KCNN3: variants seen among roughly 807,000 people sequenced by gnomAD.
The protein encoded by KCNN3 is potassium calcium-activated channel subfamily N member 3.
A neutral mutation model predicts 62.9 loss-of-function variants in KCNN3; 16 were observed. The ratio of observed to expected loss-of-function variants is 0.25; its 90% CI spans 0.17 to 0.39. The LOEUF is 0.39. KCNN3 is among the 10% of genes least tolerant of loss of function. The pLI is 1.00. For missense variants in KCNN3, 599 were observed against 949.4 expected (o/e 0.63, Z 4.85); for synonymous variants, 370 against 389.2 (o/e 0.95, Z 0.58).
intron 3 of KCNN3, among the ~76,000 whole-genome samples, chr1:154,768,833 C>A (rs1478562999): frequency 1.3e-5 from 2 of 152,056 alleles, no homozygotes; most frequent in Non-Finnish European, 2.9e-5. Flanking sequence ...ATGGTCAAGA[C>A]CATAGGCAGC....
intron 3 of KCNN3, among the ~76,000 whole-genome samples, chr1:154,750,104 T>C (rs1327721901): frequency 6.6e-6 from 1 of 152,242 alleles, no homozygotes; most frequent in African/African-American, 2.4e-5. Flanking sequence ...CTGAAAATTC[T>C]GGTACACGTC....
chr1:154,869,773 C>T lies in KCNN3; in HGVS notation c.192G>A (p.Pro64=), dbSNP rs1455162416. The change falls in exon 1 of 8, where the codon CCG becomes CCA. Residue 64 remains proline (P), a synonymous_variant. Transcript: ENST00000271915. The surrounding 1 kb of genome is among the most constrained non-coding windows in gnomAD (Gnocchi z 6.1). ...PLGPSLQPQP[P]QLQQQQQQQQ... ...GCTGCTGCTGCTGCTGCTGAAGCTG[C>T]GGAGGCTGAGGCTGCAGCGAGGGTC... 4 of 1,517,526 alleles carry T rather than the reference C, an allele frequency of 2.6e-6. No homozygotes were observed. The highest frequency in any genetic ancestry group is 1.2e-5 in the South Asian group (1 of 81,590). 94.0% of individuals were successfully genotyped at this position (1,517,526 alleles called of 1,614,324 possible). A position where few individuals can be genotyped will look rare whatever the true frequency, so the allele number is the denominator to read the frequency against.
intron 4 of KCNN3, among the ~76,000 whole-genome samples, chr1:154,728,352 A>C (rs1246443864): frequency 2.0e-5 from 3 of 152,198 alleles, no homozygotes; most frequent in Non-Finnish European, 4.4e-5. Context: ...CCTCTAGAGG[A>C]TGCTGCATTC....
intron 1 of KCNN3, among the ~76,000 whole-genome samples, chr1:154,826,916 C>T (rs1651157519): frequency 6.6e-6 from 1 of 152,202 alleles, no homozygotes; most frequent in African/African-American, 2.4e-5. Context: ...TAATGATGCG[C>T]AGGCTCCTTC....
At chr1:154,837,605 C>A (rs1370111591) in intron 1 of KCNN3, among the ~76,000 whole-genome samples, 1 of 152,170 alleles carries the variant, frequency 6.6e-6, no homozygotes, top group Non-Finnish European at 1.5e-5. Context: ...GGCTTTCCAC[C>A]CACAGCTGTT....
At chr1:154,762,084 A>C (rs1457425654) in intron 3 of KCNN3, among the ~76,000 whole-genome samples, 1 of 152,236 alleles carries the variant, frequency 6.6e-6, no homozygotes, top group African/African-American at 2.4e-5. Context: ...CTAGATGTTT[A>C]CTTGGTTTCT....
At chr1:154,868,640 T>C (rs1166203707) in intron 1 of KCNN3, among the ~76,000 whole-genome samples, 2 of 152,004 alleles carry the variant, frequency 1.3e-5, no homozygotes, top group East Asian at 1.9e-4. Context: ...TGCGTTAAGC[T>C]GCTGGGTTAT....
At chr1:154,806,407 C>T (rs1424777072) in intron 2 of KCNN3, among the ~76,000 whole-genome samples, 1 of 152,202 alleles carries the variant, frequency 6.6e-6, no homozygotes. Flanking sequence ...TTTAACCCAG[C>T]TCTCTCAGCT....
At chr1:154,838,335 T>C (rs919611537) in intron 1 of KCNN3, among the ~76,000 whole-genome samples, 11 of 152,082 alleles carry the variant, frequency 7.2e-5, no homozygotes, top group Non-Finnish European at 5.9e-5. Flanking sequence ...TGCTATACCA[T>C]GTAGATTCCA....
Position 154,713,553 on chromosome 1 carries a change from C to T in KCNN3, c.1830-20G>A, listed in dbSNP as rs368630148. On this transcript the variant is annotated intron_variant, in intron 6 of 7. Transcript: ENST00000271915. ...CTCAACCTGTGGGGAAGAATGGTAA[C>T]AGGCAAGCCCTTCAAGTCCATGCAA... The T allele has an allele frequency of 5.0e-6, 8 of 1,605,024 alleles. No individual in the cohort carries two copies. The African/African-American group carries it at 1.1e-4, about 21-fold the overall frequency.
chr1:154,741,326 A>G lies in KCNN3; in HGVS notation c.1449-8182T>C, dbSNP rs12097313. ...TCTATTTGTCTAACCCTGAAGTTAT[A>G]TTACAGTATTCTCTGTAGCCTTTCC... On this transcript the variant is annotated intron_variant, in intron 3 of 7. Transcript: ENST00000271915. 8.0e-3 allele frequency among the ~76,000 whole-genome samples: 1,226 copies of G among 152,302 alleles called. 24 individuals are homozygous for G. Among genetic ancestry groups the G allele is most frequent in the African/African-American group, 0.028 (1,179 of 41,560 alleles).
At chr1:154,724,069 T>A (rs1700411592) in intron 5 of KCNN3, among the ~76,000 whole-genome samples, 1 of 152,214 alleles carries the variant, frequency 6.6e-6, no homozygotes, top group African/African-American at 2.4e-5. Context: ...CACTTGAATG[T>A]CAACAACATA....
intron 2 of KCNN3, among the ~76,000 whole-genome samples, chr1:154,775,649 G>C (rs1648758779): frequency 6.8e-6 from 1 of 147,126 alleles, no homozygotes; most frequent in South Asian, 2.2e-4. Flanking sequence ...TCACCTGGTG[G>C]CTCTAATCAG....
intron 2 of KCNN3, among the ~76,000 whole-genome samples, chr1:154,788,885 G>A (rs1010855046): frequency 3.3e-5 from 5 of 152,146 alleles, no homozygotes; most frequent in African/African-American, 1.2e-4. Context: ...AGGAAACTGA[G>A]GCATGAAGAG....
chr1:154,724,920 G>A (rs565535502), intron 5 of KCNN3, among the ~76,000 whole-genome samples: 110 of 151,188 alleles, frequency 7.3e-4, no homozygotes, highest in African/African-American at 2.6e-3. Context: ...GCAGTGGCGC[G>A]ATCTCGGTTC....
chr1:154,713,383 C>A, intron 7 of KCNN3, 81 bp downstream of exon 7: 1 of 1,217,198 alleles, frequency 8.2e-7, no homozygotes, highest in Non-Finnish European at 1.2e-6. Context: ...CCAGTGCGAA[C>A]CCAGCCAGGA....
chr1:154,865,839 G>GA (rs953724806), intron 1 of KCNN3, among the ~76,000 whole-genome samples: 10 of 151,462 alleles, frequency 6.6e-5, no homozygotes, highest in South Asian at 2.1e-4. Flanking sequence ...ATCACCTGGG[G>GA]AAAAAAAAAG....
intron 2 of KCNN3, among the ~76,000 whole-genome samples, chr1:154,821,003 C>T (rs1174894065): frequency 2.6e-5 from 4 of 152,198 alleles, no homozygotes; most frequent in Non-Finnish European, 5.9e-5. Context: ...TGGATTTGAA[C>T]GGTGTTGTTA....
Position 154,869,938 on chromosome 1 carries a change from G to A in KCNN3, c.27C>T (p.Asp9=). Residue 9 remains aspartate, a synonymous_variant, in exon 1 of 8, where the codon GAC becomes GAT. Transcript: ENST00000271915. The surrounding 1 kb of genome is among the most constrained non-coding windows in gnomAD (Gnocchi z 6.1). MDTSGHFH[D]SGVGDLDEDP... Reference sequence around the variant, plus strand: ...CTTCATCCAAGTCCCCCACCCCCGAGTCATGGAAGTGCCCAGAAGTGTCCA... The same window carrying A: ...CTTCATCCAAGTCCCCCACCCCCGAATCATGGAAGTGCCCAGAAGTGTCCA... The A allele has an allele frequency of 6.2e-7, 1 of 1,611,314 alleles. No individual in the cohort carries two copies. The highest frequency in any genetic ancestry group is 2.2e-5 in the East Asian group (1 of 44,840).
Sources: gnomAD v4.1 joint callset for allele counts (sites outside exome capture counted in the v4.1 genomes callset) on GRCh38, gnomAD v4.1.1 for gene constraint, Gnocchi (gnomAD v3.1) non-coding constraint, MANE v1.5 for transcripts, NCBI Gene and HGNC (gene_info 2026-07-23, HGNC 2026-07-21) for gene names.